The following ADGRB3 variants were observed in gnomAD, a reference collection of about 807,000 sequenced individuals.
The protein encoded by ADGRB3 is brain-specific angiogenesis inhibitor 3.
In ADGRB3, 37 loss-of-function variants were observed where a neutral mutation model predicts 193.4. The ratio of observed to expected loss-of-function variants is 0.19; its 90% CI spans 0.15 to 0.25. The LOEUF (loss-of-function observed/expected upper bound fraction) is 0.25, where lower values mean the gene tolerates loss of function less well. Ranked by LOEUF, ADGRB3 falls within the 10% of genes least tolerant of loss-of-function variation. The pLI is 1.00. For missense variants in ADGRB3, 1,637 were observed against 1,852.9 expected, an observed-to-expected ratio of 0.88 and a Z score of 2.14; for synonymous variants, 690 against 644.2, an observed-to-expected ratio of 1.07 and a Z score of -1.08.
intron 3 of ADGRB3, among the ~76,000 whole-genome samples, chr6:68,836,969 C>A (rs1768057986): frequency 6.6e-6 from 1 of 152,050 alleles, no homozygotes; most frequent in African/African-American, 2.4e-5. Context: ...AGTAACCTGC[C>A]TTTTGAGGAT....
chr6:69,238,081 T>C (rs1766307742), intron 19 of ADGRB3, among the ~76,000 whole-genome samples: 2 of 152,022 alleles, frequency 1.3e-5, no homozygotes, highest in Non-Finnish European at 2.9e-5. Flanking sequence ...ACCTTGATTG[T>C]CCTCAAAGAC....
intron 6 of ADGRB3, among the ~76,000 whole-genome samples, chr6:68,952,134 C>T (rs1449506975): frequency 6.6e-6 from 1 of 152,066 alleles, no homozygotes; most frequent in Non-Finnish European, 1.5e-5. Context: ...ATTTCTACCC[C>T]CCCAAAGCCT....
intron 10 of ADGRB3, among the ~76,000 whole-genome samples, chr6:68,980,536 G>A (rs968818346): frequency 1.6e-4 from 24 of 151,428 alleles, no homozygotes; most frequent in African/African-American, 3.6e-4. Context: ...CCTAAAAGAC[G>A]ATAACACATT....
chr6:69,003,182 C>G (rs1178091874), intron 11 of ADGRB3, among the ~76,000 whole-genome samples: 1 of 152,114 alleles, frequency 6.6e-6, no homozygotes, highest in Non-Finnish European at 1.5e-5. Context: ...TTATTATCAT[C>G]CAACAAGACA....
intron 15 of ADGRB3, among the ~76,000 whole-genome samples, chr6:69,060,251 C>T (rs56015821): frequency 0.17 from 10,132 of 61,258 alleles, 433 homozygotes; most frequent in Middle Eastern, 0.37. Context: ...TCTCTCTCTC[C>T]TCCTCTGTCT....
chr6:68,993,851 T>G lies in ADGRB3; in HGVS notation c.1818T>G (p.Thr606=), dbSNP rs1260538787. The G allele has an allele frequency of 6.2e-7, 1 of 1,614,028 alleles. No individual in the cohort carries two copies. Among genetic ancestry groups the G allele is most frequent in the Non-Finnish European group, 8.5e-7 (1 of 1,179,896 alleles). ...TGACCAAGACACTGTTGGATTTAACTCAGAGAAAAAATTTCTATGCAGGCG... is the reference window on the plus strand; with the variant it reads ...TGACCAAGACACTGTTGGATTTAACGCAGAGAAAAAATTTCTATGCAGGCG... ...SQVTKTLLDL[T]QRKNFYAGDL... is the part of the protein sequence containing the mutation. The change falls in exon 11 of 32, where the codon ACT becomes ACG. Residue 606 remains threonine, a synonymous_variant. Transcript: ENST00000370598.
At chr6:68,831,504 CTGTT>C (rs1184149966) in intron 3 of ADGRB3, among the ~76,000 whole-genome samples, 11 of 152,010 alleles carry the variant, frequency 7.2e-5, no homozygotes, top group South Asian at 2.1e-4. Flanking sequence ...ATATAGAAGT[CTGTT>C]TGGTTGGGGT....
At chr6:69,055,858 C>A (rs900514091) in intron 15 of ADGRB3, among the ~76,000 whole-genome samples, 1 of 151,780 alleles carries the variant, frequency 6.6e-6, no homozygotes. Context: ...TGCACACAGT[C>A]TCGCTCTGTT....
At chr6:68,982,447 A>G (rs1019735451) in intron 10 of ADGRB3, among the ~76,000 whole-genome samples, 5 of 152,058 alleles carry the variant, frequency 3.3e-5, no homozygotes, top group African/African-American at 4.8e-5. Context: ...GCCTTTCTCC[A>G]TGATGTTTGT....
At chr6:69,004,273 G>T (rs892992695) in intron 11 of ADGRB3, among the ~76,000 whole-genome samples, 2 of 152,120 alleles carry the variant, frequency 1.3e-5, no homozygotes, top group Admixed American at 6.6e-5. Flanking sequence ...GTCACGACAG[G>T]TTTGGTTTCT....
chr6:68,807,235 C>CTTTTT (rs771342538), intron 3 of ADGRB3, among the ~76,000 whole-genome samples: 28 of 100,200 alleles, frequency 2.8e-4, no homozygotes, highest in East Asian at 5.9e-4. Context: ...TTTCTTTTTT[C>CTTTTT]TTTTTTTTTT....
Position 68,956,109 on chromosome 6 carries a change from C to T in ADGRB3, c.1281C>T (p.Cys427=), listed in dbSNP as rs139230026. ...SNGTQQRSRQ[C]TAAAHGGSEC... is the part of the protein sequence containing the mutation. ...GGACTCAGCAGAGAAGCCGGCAGTG[C>T]ACTGCAGCTGCCCATGGAGGCTCCG... The change falls in exon 7 of 32, where the codon TGC becomes TGT. Residue 427 remains cysteine (C), a synonymous_variant. Transcript: ENST00000370598. The T allele has an allele frequency of 2.5e-4, 402 of 1,613,996 alleles. No individual in the cohort carries two copies. Among genetic ancestry groups the T allele is most frequent in the Non-Finnish European group, 3.0e-4 (358 of 1,179,960 alleles).
At chr6:69,233,813 C>T (rs906582550) in intron 18 of ADGRB3, among the ~76,000 whole-genome samples, 2 of 152,112 alleles carry the variant, frequency 1.3e-5, no homozygotes, top group African/African-American at 4.8e-5. Context: ...AAACACATTG[C>T]ATATCTGCAT....
chr6:69,006,654 C>T (rs1169985852), intron 11 of ADGRB3, among the ~76,000 whole-genome samples: 2 of 151,872 alleles, frequency 1.3e-5, no homozygotes, highest in Non-Finnish European at 2.9e-5. Context: ...TATAGGTGTG[C>T]ACCACCATGC....
chr6:69,327,313 T>C (rs1004834965), intron 21 of ADGRB3, among the ~76,000 whole-genome samples: 2 of 152,192 alleles, frequency 1.3e-5, no homozygotes, highest in African/African-American at 4.8e-5. Flanking sequence ...TGTTTCTACA[T>C]TCTTGTTATT....
At chr6:69,087,770 G>T (rs1049330650) in intron 17 of ADGRB3, among the ~76,000 whole-genome samples, 23 of 152,192 alleles carry the variant, frequency 1.5e-4, no homozygotes, top group African/African-American at 5.5e-4. Flanking sequence ...GGCATGTATT[G>T]CAGCTAAAAG....
chr6:68,883,401 A>G (rs1040135847), intron 3 of ADGRB3, among the ~76,000 whole-genome samples: 2 of 152,300 alleles, frequency 1.3e-5, no homozygotes, highest in East Asian at 1.9e-4. Context: ...CTGCAGCACC[A>G]GCTGCGGCAA....
intron 17 of ADGRB3, among the ~76,000 whole-genome samples, chr6:69,202,571 G>A (rs1172308143): frequency 1.3e-5 from 2 of 152,070 alleles, no homozygotes; most frequent in African/African-American, 2.4e-5. Context: ...AGGTAGACTC[G>A]AATGTATTCT....
intron 11 of ADGRB3, among the ~76,000 whole-genome samples, chr6:68,995,807 A>G (rs1295177143): frequency 6.6e-6 from 1 of 152,150 alleles, no homozygotes. Context: ...TCATAATTCT[A>G]GCTCAACTCT....
Sources: allele counts gnomAD v4.1 joint callset (sites outside exome capture counted in the v4.1 genomes callset), GRCh38; gene constraint gnomAD v4.1.1; transcripts MANE v1.5; gene names NCBI Gene and HGNC (gene_info 2026-07-23, HGNC 2026-07-21).